The following IFT80 variants were observed in gnomAD, a reference collection of about 807,000 sequenced individuals.
IFT80 encodes intraflagellar transport protein 80 homolog.
In IFT80, 79 loss-of-function variants were observed where a neutral mutation model predicts 107.9. The observed-to-expected ratio is 0.73, with a 90% CI of 0.61 to 0.88. The LOEUF is 0.88. IFT80 is among the 40% of genes least tolerant of loss of function. The probability of loss-of-function intolerance (pLI) is 0.00; values close to 1 mark genes in which losing one functional copy is unlikely to be tolerated. For synonymous variants in IFT80, 299 were observed against 300.9 expected, an observed-to-expected ratio of 0.99 and a Z score of 0.07; for missense variants, 797 against 914.2, an observed-to-expected ratio of 0.87 and a Z score of 1.65.
intron 18 of IFT80, among the ~76,000 whole-genome samples, chr3:160,274,788 A>C (rs1291745302): frequency 4.6e-5 from 7 of 152,200 alleles, no homozygotes; most frequent in Non-Finnish European, 8.8e-5. Context: ...CAAGTACAAA[A>C]ATTAGCCTGT....
chr3:160,375,172 C>T (rs1173211762), intron 5 of IFT80, among the ~76,000 whole-genome samples: 2 of 152,144 alleles, frequency 1.3e-5, no homozygotes, highest in Admixed American at 6.5e-5. Flanking sequence ...AACATTAAAA[C>T]TGCTTACTGT....
chr3:160,356,723 A>T (rs1388737304), intron 7 of IFT80, among the ~76,000 whole-genome samples: 1 of 152,064 alleles, frequency 6.6e-6, no homozygotes, highest in African/African-American at 2.4e-5. Flanking sequence ...GTCTTGTTAT[A>T]TTGCCTAGGC....
At chr3:160,357,439 C>G in intron 7 of IFT80, 50 bp downstream of exon 7, 1 of 999,856 alleles carries the variant, frequency 1.0e-6, no homozygotes, top group Non-Finnish European at 1.6e-6. Context: ...ATGCTAAGTA[C>G]TTATAAATTT....
intron 5 of IFT80, among the ~76,000 whole-genome samples, chr3:160,370,130 G>C (rs1333943865): frequency 3.3e-5 from 5 of 152,068 alleles, no homozygotes; most frequent in Non-Finnish European, 5.9e-5. Context: ...TACTATAAAA[G>C]TATCCCCTAA....
chr3:160,283,460 C>T (rs987026899), intron 13 of IFT80, among the ~76,000 whole-genome samples: 1 of 152,164 alleles, frequency 6.6e-6, no homozygotes, highest in Admixed American at 6.6e-5. Context: ...AACACACATA[C>T]ACCTTTATCC....
In IFT80 at chr3:160,379,560, G is replaced by A. The variant is rs116598078; in HGVS notation, c.259+1943C>T. Among the ~76,000 whole-genome samples the A allele has an allele frequency of 7.8e-3, 1,182 of 152,182 alleles. 22 individuals carry two copies. The highest frequency in any genetic ancestry group is 0.027 in the African/African-American group (1,133 of 41,516). ...ATCTTTCAGAAAAAGGGTGTGTGCT[G>A]GGGGCGAGGAGGGTTTGTGTAAAAA... On this transcript the variant is annotated intron_variant, in intron 3 of 19. Transcript: ENST00000326448.
chr3:160,319,892 A>G lies in IFT80; in HGVS notation c.825T>C (p.Ile275=). The stretch of plus-strand genomic sequence containing the variant: ...TCTGAGTGCCATCGATAGACCATGC[A>G]ATATTAAATATGCTGCCAGTGTTGG... ...EKPNTGSIFN[I]AWSIDGTQIA... is the part of the protein sequence containing the mutation. The change falls in exon 9 of 20, where the codon ATT becomes ATC. Residue 275 remains isoleucine (I), a synonymous_variant. Coordinates refer to ENST00000326448, the MANE Select transcript of IFT80 (RefSeq NM_020800.3). 6.2e-7 allele frequency: 1 copy of G among 1,612,586 alleles called. No individual in the cohort carries two copies. The highest frequency in any genetic ancestry group is 8.5e-7 in the Non-Finnish European group (1 of 1,179,174).
intron 7 of IFT80, among the ~76,000 whole-genome samples, chr3:160,356,378 A>C (rs768278377): frequency 7.2e-5 from 11 of 152,210 alleles, no homozygotes; most frequent in Non-Finnish European, 1.3e-4. Context: ...TATTCCTTTA[A>C]GCCTAAATGT....
At chr3:160,269,393 C>G (rs1453768363) in intron 18 of IFT80, among the ~76,000 whole-genome samples, 1 of 151,924 alleles carries the variant, frequency 6.6e-6, no homozygotes, top group Non-Finnish European at 1.5e-5. Flanking sequence ...AATTAAAAAT[C>G]TTATGAAAAT....
intron 8 of IFT80, among the ~76,000 whole-genome samples, chr3:160,347,764 T>C (rs1032659100): frequency 4.6e-5 from 7 of 152,198 alleles, no homozygotes; most frequent in African/African-American, 1.4e-4. Flanking sequence ...GTTGAGGGTA[T>C]TGCACTTTAG....
chr3:160,301,906 T>G (rs1381391929), intron 11 of IFT80, among the ~76,000 whole-genome samples: 2 of 152,006 alleles, frequency 1.3e-5, no homozygotes, highest in Non-Finnish European at 2.9e-5. Flanking sequence ...TGTTTCAAAT[T>G]ATTCACTGTT....
intron 8 of IFT80, among the ~76,000 whole-genome samples, chr3:160,352,885 A>G (rs541275489): frequency 1.7e-4 from 26 of 152,246 alleles, no homozygotes; most frequent in Non-Finnish European, 3.2e-4. Context: ...CCTATTATTC[A>G]GGCCAACGTC....
rs779103873 is a variant in IFT80, at chr3:160,277,451, T to C, written c.1954A>G (p.Ile652Val). ...EIDKVQYINS[I>V]KNLPSKESKM... is the part of the protein sequence containing the mutation. ...GATTCTTTAGATGGAAGATTTTTTA[T>C]AGAATTGATGTACTGAACCTTATCA... Residue 652 changes from isoleucine to valine, a missense_variant, in exon 18 of 20, where the codon ATA (isoleucine) becomes GTA (valine). Coordinates refer to ENST00000326448, the MANE Select transcript of IFT80 (RefSeq NM_020800.3). The C allele has an allele frequency of 6.8e-6, 11 of 1,609,394 alleles. No homozygotes were observed. In the East Asian group the frequency reaches 1.3e-4, roughly 20 times the overall value.
intron 8 of IFT80, among the ~76,000 whole-genome samples, chr3:160,346,395 C>T (rs1053487085): frequency 2.0e-5 from 3 of 152,032 alleles, no homozygotes; most frequent in Non-Finnish European, 4.4e-5. Context: ...TGTCAATTAA[C>T]AATAAAACTT....
chr3:160,359,768 G>T (rs1054515579), intron 6 of IFT80, among the ~76,000 whole-genome samples: 2 of 152,182 alleles, frequency 1.3e-5, no homozygotes, highest in African/African-American at 4.8e-5. Flanking sequence ...GGTCCTGACT[G>T]TTAGAAGGAA....
chr3:160,366,766 C>A (rs1721896994), intron 5 of IFT80, among the ~76,000 whole-genome samples: 1 of 152,012 alleles, frequency 6.6e-6, no homozygotes, highest in South Asian at 2.1e-4. Context: ...ACAATTACAT[C>A]ATGGAAAATG....
intron 3 of IFT80, among the ~76,000 whole-genome samples, chr3:160,381,289 T>A (rs1355233440): frequency 2.2e-5 from 3 of 134,552 alleles, no homozygotes; most frequent in African/African-American, 8.0e-5. Flanking sequence ...CCATATTCAA[T>A]CCTAGTATAT....
At chr3:160,286,480 C>T (rs969049445) in intron 12 of IFT80, among the ~76,000 whole-genome samples, 2 of 152,168 alleles carry the variant, frequency 1.3e-5, no homozygotes, top group Non-Finnish European at 2.9e-5. Context: ...TGGCCTGGAA[C>T]AGTCTGTTGG....
intron 3 of IFT80, chr3:160,377,841 T>C (rs1026003370): frequency 9.8e-6 from 2 of 204,272 alleles, no homozygotes; most frequent in African/African-American, 4.7e-5. Flanking sequence ...ACCTATGGTC[T>C]GGGTATATGT....
Sources: allele counts gnomAD v4.1 joint callset (sites outside exome capture counted in the v4.1 genomes callset), GRCh38; gene constraint gnomAD v4.1.1; transcripts MANE v1.5; gene names NCBI Gene and HGNC (gene_info 2026-07-23, HGNC 2026-07-21).